The following HECW1 variants were observed in gnomAD, a reference collection of about 807,000 sequenced individuals.
The protein encoded by HECW1 is HECT, C2 and WW domain containing E3 ubiquitin protein ligase 1, also known as E3 ubiquitin-protein ligase HECW1.
A neutral mutation model predicts 182.3 loss-of-function variants in HECW1; 61 were observed. The observed-to-expected ratio is 0.33, with a 90% CI of 0.27 to 0.41. HECW1 has a LOEUF of 0.41. Ranked by LOEUF, HECW1 falls within the 10% of genes least tolerant of loss-of-function variation. The pLI, the probability that HECW1 is intolerant of heterozygous loss-of-function variation, is 1.00. For synonymous variants in HECW1, 859 were observed against 832.6 expected, an observed-to-expected ratio of 1.03 and a Z score of -0.55; for missense variants, 1,739 against 2,108.9, an observed-to-expected ratio of 0.82 and a Z score of 3.44.
At chr7:43,462,016 T>C (rs1162313342) in intron 13 of HECW1, among the ~76,000 whole-genome samples, 1 of 152,226 alleles carries the variant, frequency 6.6e-6, no homozygotes. Context: ...TGCAAATGGC[T>C]GGAGACTACA....
chr7:43,269,876 G>A (rs914230787), intron 3 of HECW1, among the ~76,000 whole-genome samples: 2 of 152,270 alleles, frequency 1.3e-5, no homozygotes, highest in Non-Finnish European at 2.9e-5. Context: ...AATCTGATGT[G>A]TAGAAGCTAG....
intron 2 of HECW1, among the ~76,000 whole-genome samples, chr7:43,238,254 G>A (rs1485814538): frequency 1.3e-5 from 2 of 152,176 alleles, no homozygotes; most frequent in Non-Finnish European, 2.9e-5. Context: ...CACTGGTGGG[G>A]AGGGGTCCCA....
rs1011510702 is a variant in HECW1 at position 43,127,763 on chromosome 7, A to G, written c.-32+13372A>G. Among the ~76,000 whole-genome samples the G allele has an allele frequency of 5.3e-4, 80 of 152,354 alleles. 1 individual carries two copies. Among genetic ancestry groups the G allele is most frequent in the African/African-American group, 1.9e-3 (78 of 41,588 alleles). On this transcript the variant is annotated intron_variant, in intron 2 of 29. Coordinates refer to ENST00000395891, the MANE Select transcript of HECW1 (RefSeq NM_015052.5). ...TTCATTAGGTTTAAGGAAAGACACT[A>G]TCTTCAAACATAAAAGTACAAGATG...
At chr7:43,199,095 A>G (rs1406347567) in intron 2 of HECW1, among the ~76,000 whole-genome samples, 1 of 152,156 alleles carries the variant, frequency 6.6e-6, no homozygotes, top group Non-Finnish European at 1.5e-5. Context: ...CCCTCATTGC[A>G]CACTCTCTCT....
intron 2 of HECW1, among the ~76,000 whole-genome samples, chr7:43,129,740 A>G (rs1786696425): frequency 6.6e-6 from 1 of 152,212 alleles, no homozygotes; most frequent in African/African-American, 2.4e-5. Context: ...CTTGGTATCC[A>G]TGGGGGATTA....
intron 2 of HECW1, among the ~76,000 whole-genome samples, chr7:43,218,333 C>G (rs896204506): frequency 1.6e-4 from 25 of 152,194 alleles, no homozygotes; most frequent in African/African-American, 5.8e-4. Context: ...TGAGAACCTG[C>G]TCATCTGAAC....
chr7:43,242,488 G>A (rs371997928), intron 2 of HECW1, among the ~76,000 whole-genome samples: 1 of 152,196 alleles, frequency 6.6e-6, no homozygotes, highest in African/African-American at 2.4e-5. Context: ...CCATGACTAA[G>A]GCTAGACTTT....
chr7:43,245,072 G>A (rs1217221781), intron 3 of HECW1, among the ~76,000 whole-genome samples: 1 of 152,254 alleles, frequency 6.6e-6, no homozygotes, highest in Non-Finnish European at 1.5e-5. Context: ...AGCATAGCAT[G>A]TGTTGGATTA....
In HECW1 at chr7:43,432,172, C is replaced by T. The variant is rs988621492; in HGVS notation, c.802-5831C>T. On this transcript the variant is annotated intron_variant, in intron 8 of 29. Coordinates refer to ENST00000395891, the MANE Select transcript of HECW1 (RefSeq NM_015052.5). This position sits in a 1 kb window ranked among gnomAD's most constrained non-coding sequence, Gnocchi z 4.1. The stretch of plus-strand genomic sequence containing the variant: ...TTTTTTTTTTTGAGACGGAGTCTCG[C>T]TCTGTCGCCCGGGCTGGAGTGCAGT... Among the ~76,000 whole-genome samples, 27 of 146,732 alleles carry T rather than the reference C, an allele frequency of 1.8e-4. No homozygotes were observed. The highest frequency in any genetic ancestry group is 4.8e-4 in the Admixed American group (7 of 14,502).
At chr7:43,284,863 T>A (rs1804417350) in intron 3 of HECW1, among the ~76,000 whole-genome samples, 1 of 152,166 alleles carries the variant, frequency 6.6e-6, no homozygotes, top group Non-Finnish European at 1.5e-5. Flanking sequence ...AGGAAAAAGG[T>A]TAAGAAACAC....
chr7:43,197,905 T>C (rs188138149), intron 2 of HECW1, among the ~76,000 whole-genome samples: 350 of 152,146 alleles, frequency 2.3e-3, no homozygotes, highest in African/African-American at 8.0e-3. Context: ...CCCCTGGAGC[T>C]GGCACTGGGC....
At position 43,176,221 on chromosome 7, in the gene HECW1, C is replaced by G. The variant is rs554901362; in HGVS notation, c.-32+61830C>G. ...GTGTGTAGAGGACTTTGTGGCTGAA[C>G]TGTAAAAGAAACTCTCAATGTCTCC... On this transcript the variant is annotated intron_variant, in intron 2 of 29. Transcript: ENST00000395891. 2.0e-4 allele frequency among the ~76,000 whole-genome samples: 31 copies of G among 152,098 alleles called. No homozygotes were observed. In the East Asian group the frequency reaches 5.6e-3, roughly 27 times the overall value.
chr7:43,179,927 A>G (rs1792651256), intron 2 of HECW1, among the ~76,000 whole-genome samples: 1 of 152,238 alleles, frequency 6.6e-6, no homozygotes, highest in Non-Finnish European at 1.5e-5. Context: ...TGAAGGTTCA[A>G]TTTGACCAGG....
intron 8 of HECW1, among the ~76,000 whole-genome samples, chr7:43,431,730 CACA>C (rs2076553789): frequency 6.6e-6 from 1 of 152,172 alleles, no homozygotes; most frequent in Non-Finnish European, 1.5e-5. Flanking sequence ...CAGTTTCATC[CACA>C]ACAAGATTCT....
chr7:43,453,045 G>A (rs369792173), intron 12 of HECW1, among the ~76,000 whole-genome samples: 1 of 152,198 alleles, frequency 6.6e-6, no homozygotes, highest in East Asian at 1.9e-4. Flanking sequence ...ACCATTTAAG[G>A]GCTTTGTAAA....
intron 2 of HECW1, among the ~76,000 whole-genome samples, chr7:43,179,771 C>G (rs563935503): frequency 2.1e-3 from 314 of 152,106 alleles, no homozygotes; most frequent in African/African-American, 7.2e-3. Context: ...CAAATTTTCC[C>G]AATAGTAGCC....
chr7:43,214,285 G>A (rs1023500304), intron 2 of HECW1, among the ~76,000 whole-genome samples: 3 of 151,964 alleles, frequency 2.0e-5, no homozygotes, highest in Admixed American at 6.6e-5. Context: ...TTAGAAATGT[G>A]AAAGGAGATT....
At chr7:43,277,866 C>T (rs1428637844) in intron 3 of HECW1, among the ~76,000 whole-genome samples, 5 of 152,162 alleles carry the variant, frequency 3.3e-5, no homozygotes, top group African/African-American at 1.2e-4. Flanking sequence ...GTTGACTGTA[C>T]CTCCCAGGAA....
chr7:43,333,172 G>C (rs747978597), intron 5 of HECW1, among the ~76,000 whole-genome samples: 2 of 152,226 alleles, frequency 1.3e-5, no homozygotes, highest in Non-Finnish European at 2.9e-5. Context: ...GGTATGATAG[G>C]CAAGGAAATG....
Sources: gnomAD v4.1 joint callset for allele counts (sites outside exome capture counted in the v4.1 genomes callset) on GRCh38, gnomAD v4.1.1 for gene constraint, Gnocchi (gnomAD v3.1) non-coding constraint, MANE v1.5 for transcripts, NCBI Gene and HGNC (gene_info 2026-07-23, HGNC 2026-07-21) for gene names.